WNT8B: variants seen among roughly 807,000 people sequenced by gnomAD.
WNT8B encodes Wnt family member 8B, also known as protein Wnt-8b.
WNT8B carries 24 observed loss-of-function variants against 36.6 expected under a neutral mutation model. The ratio of observed to expected loss-of-function variants is 0.66; its 90% CI spans 0.48 to 0.92. WNT8B has a LOEUF of 0.92. Among genes scored for constraint, WNT8B ranks in the 40% least tolerant of loss-of-function variants. WNT8B has a pLI of 0.00. For synonymous variants in WNT8B, 199 were observed against 189.8 expected, an observed-to-expected ratio of 1.05 and a Z score of -0.40; for missense variants, 402 against 470.8, an observed-to-expected ratio of 0.85 and a Z score of 1.35.
chr10:100,482,429 T>A lies in WNT8B; in HGVS notation c.669T>A (p.Gly223=), dbSNP rs777351317. The A allele has an allele frequency of 1.3e-5, 21 of 1,606,714 alleles. No individual in the cohort carries two copies. Among genetic ancestry groups the A allele is most frequent in the Middle Eastern group, 1.7e-4 (1 of 6,058 alleles). ...CACTCAAGGTGGACCTGCTGCAGGGTGCTGGCAACAGCGCGGCCGGCCGCG... is the reference window on the plus strand; with the variant it reads ...CACTCAAGGTGGACCTGCTGCAGGGAGCTGGCAACAGCGCGGCCGGCCGCG... ...HAALKVDLLQ[G]AGNSAAGRGA... is the part of the protein sequence containing the mutation. Residue 223 remains glycine (G), a synonymous_variant, in exon 6 of 6, where the codon GGT becomes GGA. Transcript: ENST00000343737. This position sits in a 1 kb window ranked among gnomAD's most constrained non-coding sequence, Gnocchi z 6.6.
At chr10:100,478,916 T>C (rs1470702519) in intron 1 of WNT8B, 136 bp from the exon 2 acceptor site, 6 of 738,264 alleles carry the variant, frequency 8.1e-6, no homozygotes, top group African/African-American at 3.6e-5. Context: ...TTATGCACAG[T>C]GTTTCCTGGG....
At chr10:100,477,826 GAGTGC>G (rs1222789550) in intron 1 of WNT8B, among the ~76,000 whole-genome samples, 1 of 151,144 alleles carries the variant, frequency 6.6e-6, no homozygotes, top group Non-Finnish European at 1.5e-5. Flanking sequence ...GCTCAGGCTG[GAGTGC>G]AGTGGTGCAA....
chr10:100,465,462 G>T (rs1850898766), intron 1 of WNT8B, among the ~76,000 whole-genome samples: 3 of 152,124 alleles, frequency 2.0e-5, no homozygotes, highest in African/African-American at 7.2e-5. Context: ...GGAATGAGCA[G>T]GCCTAGAAAG....
At chr10:100,470,824 C>A (rs1266975156) in intron 1 of WNT8B, among the ~76,000 whole-genome samples, 1 of 152,236 alleles carries the variant, frequency 6.6e-6, no homozygotes, top group East Asian at 1.9e-4. Flanking sequence ...TGACTGCAAC[C>A]TCCGCCTCCC....
chr10:100,480,216 T>G (rs1011457520), intron 3 of WNT8B, among the ~76,000 whole-genome samples: 1 of 152,220 alleles, frequency 6.6e-6, no homozygotes, highest in Non-Finnish European at 1.5e-5. Flanking sequence ...ACACTCTCAT[T>G]GCTCAACAAA....
intron 1 of WNT8B, among the ~76,000 whole-genome samples, chr10:100,469,681 G>T: frequency 6.6e-6 from 1 of 152,250 alleles, no homozygotes; most frequent in Non-Finnish European, 1.5e-5. Context: ...TTATTAGTAA[G>T]ACCTACTTTC....
At chr10:100,470,653 G>T (rs1378991148) in intron 1 of WNT8B, among the ~76,000 whole-genome samples, 1 of 152,164 alleles carries the variant, frequency 6.6e-6, no homozygotes, top group Non-Finnish European at 1.5e-5. Flanking sequence ...AAATCACAGG[G>T]CACTAAGATG....
At chr10:100,467,831 C>T (rs568318658) in intron 1 of WNT8B, among the ~76,000 whole-genome samples, 65 of 152,298 alleles carry the variant, frequency 4.3e-4, no homozygotes, top group Non-Finnish European at 8.5e-4. Flanking sequence ...TCAGCTTCAA[C>T]CGTTATCAAT....
At chr10:100,480,181 T>G (rs997462257) in intron 3 of WNT8B, among the ~76,000 whole-genome samples, 169 bp downstream of exon 3, 1 of 152,314 alleles carries the variant, frequency 6.6e-6, no homozygotes, top group East Asian at 1.9e-4. Flanking sequence ...TTTTCCCACC[T>G]GTAGAGTTTT....
At position 100,482,564 on chromosome 10, in the gene WNT8B, A is replaced by G; in HGVS notation, c.804A>G (p.Glu268=). The change falls in exon 6 of 6, where the codon GAA becomes GAG. Residue 268 remains glutamate, a synonymous_variant. Coordinates refer to ENST00000343737, the MANE Select transcript of WNT8B (RefSeq NM_003393.4). The surrounding 1 kb of genome is among the most constrained non-coding windows in gnomAD (Gnocchi z 6.6). ...AAACGCTAGGGCTGCTGGGCACCGA[A>G]GGCCGAGAGTGCCTAAGGCGCGGGC... The part of the protein sequence containing the change: ...ENKTLGLLGT[E]GRECLRRGRA... 1 of 1,598,634 alleles carries G rather than the reference A, an allele frequency of 6.3e-7. No individual in the cohort carries two copies. Among genetic ancestry groups the G allele is most frequent in the Non-Finnish European group, 8.5e-7 (1 of 1,178,578 alleles).
chr10:100,471,052 T>G (rs1317958114), intron 1 of WNT8B, among the ~76,000 whole-genome samples: 1 of 152,226 alleles, frequency 6.6e-6, no homozygotes, highest in Admixed American at 6.5e-5. Context: ...CTATGTTTTG[T>G]TTAGATACAC....
intron 1 of WNT8B, among the ~76,000 whole-genome samples, chr10:100,463,444 CG>C (rs963325485): frequency 6.6e-6 from 1 of 152,078 alleles, no homozygotes; most frequent in Admixed American, 6.6e-5. Context: ...ATGATGGGAG[CG>C]GGGGTTCCTA....
Position 100,463,092 on chromosome 10 carries a change from G to A in WNT8B, c.-77G>A. On this transcript the variant is annotated 5_prime_UTR_variant, in exon 1 of 6. Transcript: ENST00000343737. ...TTGAGAATTCCATCCCACTGGCACT[G>A]AGGAGAATATTTCTCCGTCTTGCTT... 1.5e-6 allele frequency: 2 copies of A among 1,355,434 alleles called. No individual in the cohort carries two copies. The highest frequency in any genetic ancestry group is 2.1e-6 in the Non-Finnish European group (2 of 952,450). The allele number at this position is 1,355,434 out of a possible 1,614,324, so 84.0% of individuals were successfully genotyped here.
At chr10:100,470,678 T>C (rs1018816327) in intron 1 of WNT8B, among the ~76,000 whole-genome samples, 1 of 152,210 alleles carries the variant, frequency 6.6e-6, no homozygotes, top group African/African-American at 2.4e-5. Flanking sequence ...TCCTGGGTGG[T>C]AAGAGGAAAA....
chr10:100,471,783 A>T (rs1226723675), intron 1 of WNT8B, among the ~76,000 whole-genome samples: 1 of 152,244 alleles, frequency 6.6e-6, no homozygotes, highest in African/African-American at 2.4e-5. Flanking sequence ...AATGAAAGAT[A>T]TAATAGTTTC....
intron 2 of WNT8B, 148 bp from the exon 3 acceptor site, chr10:100,479,726 T>G: frequency 8.6e-6 from 9 of 1,049,762 alleles, no homozygotes; most frequent in Non-Finnish European, 1.2e-5. Flanking sequence ...TCACAAGTTA[T>G]TTGTGATGTC....
intron 2 of WNT8B, among the ~76,000 whole-genome samples, chr10:100,479,606 A>C (rs1363533695): frequency 1.3e-5 from 2 of 152,170 alleles, no homozygotes; most frequent in Admixed American, 6.5e-5. Context: ...AGTCTGATAA[A>C]ACTGAGTTTC....
chr10:100,480,912 G>A, intron 3 of WNT8B, 86 bp from the exon 4 acceptor site: 2 of 1,454,396 alleles, frequency 1.4e-6, no homozygotes, highest in Admixed American at 1.9e-5. Flanking sequence ...AGGATATAAT[G>A]ATGGTTATTA....
At chr10:100,481,257 T>A in intron 4 of WNT8B, 134 bp downstream of exon 4, 2 of 1,283,276 alleles carry the variant, frequency 1.6e-6, no homozygotes, top group Non-Finnish European at 2.1e-6. Flanking sequence ...TGAACGAGTT[T>A]GATCCCAAGC....
Sources: allele counts gnomAD v4.1 joint callset (sites outside exome capture counted in the v4.1 genomes callset), GRCh38; gene constraint gnomAD v4.1.1; non-coding constraint Gnocchi (gnomAD v3.1); transcripts MANE v1.5; gene names NCBI Gene and HGNC (gene_info 2026-07-23, HGNC 2026-07-21).